Variants in DAPK2 observed in about 807,000 individuals in gnomAD.
DAPK2 encodes death associated protein kinase 2.
Under a neutral mutation model 44.1 loss-of-function variants are expected in DAPK2, and 35 were observed. The ratio of observed to expected loss-of-function variants is 0.79; its 90% CI spans 0.61 to 1.05. DAPK2 has a LOEUF of 1.05. DAPK2 is among the 50% of genes least tolerant of loss of function. The pLI, the probability that DAPK2 is intolerant of heterozygous loss-of-function variation, is 0.00. For synonymous variants in DAPK2, 174 were observed against 182.6 expected (o/e 0.95, Z 0.38); for missense variants, 453 against 483.2 (o/e 0.94, Z 0.59).
intron 1 of DAPK2, among the ~76,000 whole-genome samples, chr15:64,027,122 C>G (rs765113284): frequency 4.6e-5 from 7 of 152,098 alleles, no homozygotes; most frequent in South Asian, 4.1e-4. Context: ...GTGGCTCATG[C>G]CTATAATCCC....
intron 1 of DAPK2, among the ~76,000 whole-genome samples, chr15:64,002,792 C>G (rs1163470430): frequency 6.6e-6 from 1 of 152,220 alleles, no homozygotes. Context: ...AATAAACTCA[C>G]TGATATCTCA....
intron 3 of DAPK2, among the ~76,000 whole-genome samples, chr15:63,947,271 C>A (rs2077474421): frequency 6.6e-6 from 1 of 152,184 alleles, no homozygotes; most frequent in South Asian, 2.1e-4. Flanking sequence ...TTGCACACAC[C>A]TCTGGCAGAG....
chr15:63,929,423 T>C, intron 6 of DAPK2, 128 bp downstream of exon 7: 1 of 1,233,166 alleles, frequency 8.1e-7, no homozygotes, highest in African/African-American at 1.5e-5. Flanking sequence ...GCTTGCTGTG[T>C]GGACTTAACA....
In DAPK2 at chr15:63,992,799, G is replaced by A. The variant is rs187842777; in HGVS notation, c.93-9045C>T. Among the ~76,000 whole-genome samples, 17 of 152,322 alleles carry A rather than the reference G, an allele frequency of 1.1e-4. No homozygotes were observed. The East Asian group carries it at 3.3e-3, about 29-fold the overall frequency. On this transcript the variant is annotated intron_variant, in intron 1 of 10. Coordinates refer to ENST00000261891, the Ensembl canonical transcript of DAPK2. Reference sequence around the variant, plus strand: ...GTCAGGCACCCTTCCCACCATCTGAGTTCCTGACAGTCAGATGTATGTTTA... The same window carrying A: ...GTCAGGCACCCTTCCCACCATCTGAATTCCTGACAGTCAGATGTATGTTTA...
chr15:63,908,881 T>G lies in DAPK2; in HGVS notation c.1033-281A>C. 4.2e-5 allele frequency: 9 copies of G among 216,134 alleles called. No homozygotes were observed. The highest frequency in any genetic ancestry group is 1.1e-4 in the East Asian group (1 of 9,070). The allele number at this position is 216,134 out of a possible 1,614,324, so 13.4% of individuals were successfully genotyped here. On this transcript the variant is annotated intron_variant, in intron 10 of 10. Coordinates refer to ENST00000261891, the Ensembl canonical transcript of DAPK2. This position sits in a 1 kb window ranked among gnomAD's most constrained non-coding sequence, Gnocchi z 5.7. ...TTATAATAAAGAAAATTACATCTAGTTCCCTTTGTGGCTGCCATATAATCA... is the reference window on the plus strand; with the variant it reads ...TTATAATAAAGAAAATTACATCTAGGTCCCTTTGTGGCTGCCATATAATCA...
At chr15:63,989,921 G>A (rs1463400248) in intron 1 of DAPK2, among the ~76,000 whole-genome samples, 1 of 152,064 alleles carries the variant, frequency 6.6e-6, no homozygotes, top group Non-Finnish European at 1.5e-5. Context: ...TGAACTCCTG[G>A]TCTCCAGTGA....
At chr15:63,962,401 C>A (rs144679181) in intron 3 of DAPK2, among the ~76,000 whole-genome samples, 1 of 152,236 alleles carries the variant, frequency 6.6e-6, no homozygotes, top group Non-Finnish European at 1.5e-5. Flanking sequence ...CGAGGAGCTG[C>A]GTTCCTTTGG....
intron 1 of DAPK2, among the ~76,000 whole-genome samples, chr15:64,037,786 GA>G (rs775482481): frequency 6.6e-6 from 1 of 152,184 alleles, no homozygotes; most frequent in Non-Finnish European, 1.5e-5. Flanking sequence ...GCCTGGAAGA[GA>G]GGACCTCTAA....
chr15:63,925,924 C>G lies in DAPK2; in HGVS notation c.812+17G>C. The G allele has an allele frequency of 6.2e-7, 1 of 1,614,008 alleles. No homozygotes were observed. On this transcript the variant is annotated intron_variant, in intron 7 of 10. Coordinates refer to ENST00000261891, the Ensembl canonical transcript of DAPK2. ...GGATCAGTACCTGAGAAACCAGTGG[C>G]TTCTCTGTCCTCTTACCGGGTCTCT...
intron 8 of DAPK2, chr15:63,921,080 G>A (rs576601033): frequency 2.6e-4 from 40 of 152,378 alleles, no homozygotes; most frequent in African/African-American, 9.6e-4. Context: ...CTTGGTCAAT[G>A]TTCAAATCCT....
chr15:64,007,981 A>G (rs1185602257), intron 1 of DAPK2, among the ~76,000 whole-genome samples: 1 of 152,198 alleles, frequency 6.6e-6, no homozygotes, highest in Admixed American at 6.5e-5. Flanking sequence ...AAATCCACAG[A>G]CAGAAGGAAG....
At chr15:64,041,292 T>A (rs1265027255), upstream of DAPK2, among the ~76,000 whole-genome samples, 1 of 152,220 alleles carries the variant, frequency 6.6e-6, no homozygotes, top group African/African-American at 2.4e-5. Context: ...TCTCCTTTCT[T>A]GTCAGAAGGG....
intron 3 of DAPK2, among the ~76,000 whole-genome samples, chr15:63,952,319 G>A (rs1021591331): frequency 5.9e-5 from 9 of 152,306 alleles, no homozygotes; most frequent in African/African-American, 2.2e-4. Flanking sequence ...TTTCAGAGGT[G>A]GCAAGGATGG....
rs2077254875 is a variant in DAPK2, at chr15:63,939,626, C to A, written c.454-265G>T. ...CAGCAGAACTGAAGACTCCAGCCTT[C>A]ATCTCCATTCTGTCTCTGAGTGGCA... On this transcript the variant is annotated intron_variant, in intron 3 of 10. Coordinates refer to ENST00000261891, the Ensembl canonical transcript of DAPK2. The surrounding 1 kb of genome is among the most constrained non-coding windows in gnomAD (Gnocchi z 4.3). Among the ~76,000 whole-genome samples the A allele has an allele frequency of 6.6e-6, 1 of 152,236 alleles. No homozygotes were observed. Among genetic ancestry groups the A allele is most frequent in the Non-Finnish European group, 1.5e-5 (1 of 68,038 alleles).
At chr15:63,953,015 G>A (rs2077633150) in intron 3 of DAPK2, among the ~76,000 whole-genome samples, 1 of 151,940 alleles carries the variant, frequency 6.6e-6, no homozygotes, top group Admixed American at 6.6e-5. Flanking sequence ...GGCTTTGGGG[G>A]AACAGGTGGT....
intron 3 of DAPK2, among the ~76,000 whole-genome samples, chr15:63,971,005 G>C (rs1178773251): frequency 6.6e-6 from 1 of 152,176 alleles, no homozygotes; most frequent in Non-Finnish European, 1.5e-5. Flanking sequence ...GGATGATGGA[G>C]GCTGCACTAT....
chr15:63,958,273 A>G (rs1338941112), intron 3 of DAPK2, among the ~76,000 whole-genome samples: 2 of 151,870 alleles, frequency 1.3e-5, no homozygotes, highest in African/African-American at 4.8e-5. Context: ...ACATGGGTAG[A>G]TTGTAAAAAT....
intron 1 of DAPK2, among the ~76,000 whole-genome samples, chr15:64,028,049 T>TCTATCTATCTAC (rs1555483152): frequency 6.1e-5 from 9 of 147,146 alleles, no homozygotes; most frequent in Admixed American, 1.3e-4. Flanking sequence ...TATCTATCTA[T>TCTATCTATCTAC]CTATCTATCT....
chr15:64,002,810 A>G (rs1406624591), intron 1 of DAPK2, among the ~76,000 whole-genome samples: 1 of 152,222 alleles, frequency 6.6e-6, no homozygotes, highest in Non-Finnish European at 1.5e-5. Flanking sequence ...TCATCTGTAA[A>G]GTATCATTCC....
Sources: gnomAD v4.1 joint callset for allele counts (sites outside exome capture counted in the v4.1 genomes callset) on GRCh38, gnomAD v4.1.1 for gene constraint, Gnocchi (gnomAD v3.1) non-coding constraint, MANE v1.5 for transcripts, NCBI Gene and HGNC (gene_info 2026-07-23, HGNC 2026-07-21) for gene names.